Variants in FANCB observed in about 807,000 individuals in gnomAD.
FANCB encodes the protein Fanconi anemia group B protein.
Under a neutral mutation model 38.9 loss-of-function variants are expected in FANCB, and 5 were observed. That is an observed-to-expected ratio of 0.13 (90% CI 0.07 to 0.27). The LOEUF (loss-of-function observed/expected upper bound fraction) is 0.27, where lower values mean the gene tolerates loss of function less well. FANCB is among the 10% of genes least tolerant of loss of function. The pLI, the probability that FANCB is intolerant of heterozygous loss-of-function variation, is 1.00. For synonymous variants in FANCB, 236 were observed against 215.4 expected, an observed-to-expected ratio of 1.10 and a Z score of -0.84; for missense variants, 573 against 602.7, an observed-to-expected ratio of 0.95 and a Z score of 0.52.
At chrX:14,794,905 C>T in the FANCB span, among the ~76,000 whole-genome samples, 1 of 112,546 alleles carries the variant, frequency 8.9e-6, no homozygotes. Flanking sequence ...AGCCACTCTG[C>T]TATAGTGATG....
At chrX:14,824,990 G>A in the FANCB span, among the ~76,000 whole-genome samples, 1 of 111,854 alleles carries the variant, frequency 8.9e-6, no homozygotes, top group Non-Finnish European at 1.9e-5. Context: ...GCAAATTTTT[G>A]CTAGGCATAG....
the FANCB span, among the ~76,000 whole-genome samples, chrX:14,708,827 T>C: frequency 9.0e-6 from 1 of 110,532 alleles, no homozygotes; most frequent in African/African-American, 3.3e-5. Flanking sequence ...TCCCAGCTAC[T>C]CGGGAAGCTG....
At chrX:14,852,703 T>C (rs1233224664) in intron 6 of FANCB, among the ~76,000 whole-genome samples, 2 of 112,028 alleles carry the variant, frequency 1.8e-5, no homozygotes, top group African/African-American at 6.5e-5. Flanking sequence ...AGTCAGTAAA[T>C]ACATAATTCA....
At chrX:14,848,651 G>A (rs1302759531) in intron 7 of FANCB, among the ~76,000 whole-genome samples, 1 of 111,521 alleles carries the variant, frequency 9.0e-6, no homozygotes, top group African/African-American at 3.3e-5. Flanking sequence ...CTGTTTTAAG[G>A]CTCTGTTAGA....
chrX:14,732,104 G>A, the FANCB span, among the ~76,000 whole-genome samples: 1,493 of 108,917 alleles, frequency 0.014, 25 homozygotes, highest in African/African-American at 0.041. Context: ...CTCATTGTTC[G>A]ACTCCCACTT....
At chrX:14,825,398 GTGTTTC>G in the FANCB span, among the ~76,000 whole-genome samples, 1 of 111,132 alleles carries the variant, frequency 9.0e-6, no homozygotes, top group Non-Finnish European at 1.9e-5. Context: ...TTCCCTCTCT[GTGTTTC>G]TGTTTAAGTA....
the FANCB span, among the ~76,000 whole-genome samples, chrX:14,824,165 CAG>C: frequency 9.0e-6 from 1 of 111,723 alleles, no homozygotes; most frequent in Admixed American, 9.5e-5. Context: ...TTCCACAGGA[CAG>C]GGGCTGGAGG....
At chrX:14,810,305 A>C in the FANCB span, among the ~76,000 whole-genome samples, 1 of 112,580 alleles carries the variant, frequency 8.9e-6, no homozygotes, top group Non-Finnish European at 1.9e-5. Context: ...AACGGAACAA[A>C]GCTGGATGGA....
chrX:14,747,962 G>C, the FANCB span, among the ~76,000 whole-genome samples: 1 of 111,677 alleles, frequency 9.0e-6, no homozygotes, highest in Non-Finnish European at 1.9e-5. Flanking sequence ...CCAATGTCAA[G>C]CTAGAGGTGT....
chrX:14,862,444 T>C (rs908735539), intron 3 of FANCB: 3 of 111,776 alleles, frequency 2.7e-5, no homozygotes, highest in South Asian at 3.7e-4. Flanking sequence ...GCAGCAATTA[T>C]AGGTCCACCT....
At chrX:14,767,318 C>A in the FANCB span, among the ~76,000 whole-genome samples, 1 of 111,938 alleles carries the variant, frequency 8.9e-6, no homozygotes, top group African/African-American at 3.2e-5. Context: ...AGTGTAAAAG[C>A]ATTCCTTTCT....
the FANCB span, among the ~76,000 whole-genome samples, chrX:14,806,670 C>T: frequency 8.9e-6 from 1 of 111,809 alleles, no homozygotes; most frequent in Non-Finnish European, 1.9e-5. Context: ...GAAAAGGAGA[C>T]TCAATTCCTG....
chrX:14,801,515 G>C, the FANCB span, among the ~76,000 whole-genome samples: 1 of 111,988 alleles, frequency 8.9e-6, no homozygotes, highest in Non-Finnish European at 1.9e-5. Context: ...GTTATAAACA[G>C]ATTTTTCTTA....
chrX:14,714,663 C>A, the FANCB span, among the ~76,000 whole-genome samples: 1 of 111,883 alleles, frequency 8.9e-6, no homozygotes, highest in African/African-American at 3.3e-5. Context: ...GAATAAGAGG[C>A]CCTACTGGCA....
At chrX:14,809,741 C>T in the FANCB span, among the ~76,000 whole-genome samples, 1 of 112,895 alleles carries the variant, frequency 8.9e-6, no homozygotes, top group African/African-American at 3.2e-5. Flanking sequence ...CAGGCTCCAC[C>T]TCTGGGGGCA....
chrX:14,700,993 G>C, the FANCB span, among the ~76,000 whole-genome samples: 1 of 110,031 alleles, frequency 9.1e-6, no homozygotes, highest in Non-Finnish European at 1.9e-5. Flanking sequence ...GAAGGAATAA[G>C]AATAAGGACA....
chrX:14,776,655 T>A, the FANCB span, among the ~76,000 whole-genome samples: 12 of 112,576 alleles, frequency 1.1e-4, no homozygotes, highest in South Asian at 4.0e-3. Flanking sequence ...ATATTGCAGC[T>A]ACTTAGTTGT....
At chrX:14,715,062 C>T in the FANCB span, among the ~76,000 whole-genome samples, 1 of 112,239 alleles carries the variant, frequency 8.9e-6, no homozygotes, top group African/African-American at 3.2e-5. Flanking sequence ...ATTGTAAACA[C>T]ATACATAAAT....
the FANCB span, among the ~76,000 whole-genome samples, chrX:14,796,689 T>TAC: frequency 5.0e-5 from 3 of 59,528 alleles, no homozygotes; most frequent in African/African-American, 1.9e-4. Flanking sequence ...CACACGTCTA[T>TAC]ATATACACAC....
Sources: allele counts gnomAD v4.1 joint callset (sites outside exome capture counted in the v4.1 genomes callset), GRCh38; gene constraint gnomAD v4.1.1; transcripts MANE v1.5; gene names NCBI Gene and HGNC (gene_info 2026-07-23, HGNC 2026-07-21).